The following DSC1 variants were observed in gnomAD, a reference collection of about 807,000 sequenced individuals.
DSC1 encodes desmocollin-1.
Under a neutral mutation model 98.8 loss-of-function variants are expected in DSC1, and 79 were observed. That is an observed-to-expected ratio of 0.80 (90% CI 0.67 to 0.96). The LOEUF (loss-of-function observed/expected upper bound fraction) is 0.96. Among genes scored for constraint, DSC1 ranks in the 50% least tolerant of loss-of-function variants. DSC1 has a pLI of 0.00. For synonymous variants in DSC1, 405 were observed against 372.1 expected (o/e 1.09, Z -1.02); for missense variants, 1,115 against 1,075.9 (o/e 1.04, Z -0.51).
At chr18:31,131,479 A>T (rs1164653721) in intron 15 of DSC1, 115 bp downstream of exon 15, 10 of 1,321,092 alleles carry the variant, frequency 7.6e-6, no homozygotes, top group African/African-American at 1.5e-5. Flanking sequence ...TGATAATCCA[A>T]CAGGTAAAAG....
At chr18:31,144,058 C>T (rs574207004) in intron 7 of DSC1, among the ~76,000 whole-genome samples, 8 of 152,062 alleles carry the variant, frequency 5.3e-5, no homozygotes, top group African/African-American at 1.9e-4. Context: ...TGCAGGCGCC[C>T]ACCACCACAC....
intron 11 of DSC1, among the ~76,000 whole-genome samples, chr18:31,136,196 G>T (rs1988605056): frequency 1.3e-5 from 2 of 151,946 alleles, no homozygotes; most frequent in South Asian, 2.1e-4. Context: ...AGCAAATAAA[G>T]TTGAATATAA....
intron 1 of DSC1, among the ~76,000 whole-genome samples, chr18:31,161,933 T>A (rs1049988825): frequency 2.6e-5 from 4 of 152,118 alleles, no homozygotes; most frequent in Non-Finnish European, 5.9e-5. Flanking sequence ...AACCCCCCTC[T>A]CTTCCCTCAC....
chr18:31,146,575 T>A (rs957005932), intron 6 of DSC1, among the ~76,000 whole-genome samples: 11 of 152,208 alleles, frequency 7.2e-5, no homozygotes, highest in Admixed American at 6.5e-5. Context: ...TTTGGTAGAA[T>A]GATTTGTTTT....
intron 9 of DSC1, among the ~76,000 whole-genome samples, chr18:31,141,471 C>T (rs1409628090): frequency 2.0e-5 from 3 of 152,042 alleles, no homozygotes; most frequent in Non-Finnish European, 4.4e-5. Context: ...TCCTAGAAAC[C>T]AGTAATTGCA....
intron 6 of DSC1, among the ~76,000 whole-genome samples, 194 bp downstream of exon 6, chr18:31,148,304 T>C (rs1297914389): frequency 6.6e-6 from 1 of 152,098 alleles, no homozygotes; most frequent in Non-Finnish European, 1.5e-5. Flanking sequence ...TTTAAGAAAG[T>C]GTGCTCAGAG....
chr18:31,154,537 T>C (rs1200455751), intron 5 of DSC1, among the ~76,000 whole-genome samples: 2 of 152,106 alleles, frequency 1.3e-5, no homozygotes, highest in African/African-American at 4.8e-5. Context: ...CAGACCAAAA[T>C]ATATCCTTTA....
intron 8 of DSC1, among the ~76,000 whole-genome samples, chr18:31,142,786 A>T (rs925568360): frequency 1.3e-5 from 2 of 152,158 alleles, no homozygotes; most frequent in African/African-American, 4.8e-5. Flanking sequence ...TAGAAGGTGA[A>T]TTCATATAGG....
chr18:31,139,424 C>T (rs1010706510), intron 11 of DSC1, among the ~76,000 whole-genome samples: 2 of 152,072 alleles, frequency 1.3e-5, no homozygotes, highest in Non-Finnish European at 2.9e-5. Flanking sequence ...AACGGTGATC[C>T]TTGAGTATGC....
intron 7 of DSC1, among the ~76,000 whole-genome samples, chr18:31,145,032 C>T (rs915398150): frequency 1.3e-5 from 2 of 150,010 alleles, no homozygotes; most frequent in African/African-American, 2.5e-5. Context: ...CTCCGCCTCC[C>T]GGGTTCACGC....
intron 2 of DSC1, 43 bp downstream of exon 2, chr18:31,159,402 T>G: frequency 6.3e-7 from 1 of 1,588,574 alleles, no homozygotes; most frequent in Non-Finnish European, 8.6e-7. Context: ...TGCAGCTAAA[T>G]GTGACAAGTT....
At chr18:31,154,112 T>G (rs753033107) in intron 5 of DSC1, among the ~76,000 whole-genome samples, 2 of 152,170 alleles carry the variant, frequency 1.3e-5, no homozygotes, top group Admixed American at 1.3e-4. Context: ...TTATATAAAA[T>G]TAACAGAAAC....
At chr18:31,139,451 G>A (rs1022407201) in intron 11 of DSC1, among the ~76,000 whole-genome samples, 1 of 152,028 alleles carries the variant, frequency 6.6e-6, no homozygotes, top group Non-Finnish European at 1.5e-5. Context: ...TTCCTCAGCA[G>A]AAATTAATAA....
chr18:31,134,017 C>A lies in DSC1; in HGVS notation c.1990G>T (p.Val664Leu). 8 of 1,613,178 alleles carry A rather than the reference C, an allele frequency of 5.0e-6. No homozygotes were observed. Among genetic ancestry groups the A allele is most frequent in the Non-Finnish European group, 6.8e-6 (8 of 1,179,642 alleles). Reference sequence around the variant, plus strand: ...TCAGATGGAGTTGAACAGTCACATACTCTCACTGTTAACATATGTGTTGCA... The same window carrying A: ...TCAGATGGAGTTGAACAGTCACATAATCTCACTGTTAACATATGTGTTGCA... ...LVATHMLTVR[V>L]CDCSTPSECR... The change falls in exon 13 of 16, where the codon GTA (valine) becomes TTA (leucine). Residue 664 changes from valine (V) to leucine (L), a missense_variant. Coordinates refer to ENST00000257198, the MANE Select transcript of DSC1 (RefSeq NM_024421.2).
rs942370016 is a variant in DSC1 at position 31,147,094 on chromosome 18, T to C, written c.773-1317A>G. Among the ~76,000 whole-genome samples, 5 of 152,270 alleles carry C rather than the reference T, an allele frequency of 3.3e-5. No individual in the cohort carries two copies. The East Asian group carries it at 9.6e-4, about 29-fold the overall frequency. ...TTTAAAACAAAGTAGTCAGTCTTGT[T>C]ATACCCCTTAGTAGTCTTGGGTCAC... On this transcript the variant is annotated intron_variant, in intron 6 of 15. Coordinates refer to ENST00000257198, the MANE Select transcript of DSC1 (RefSeq NM_024421.2).
chr18:31,153,778 C>T (rs1309807436), intron 5 of DSC1, among the ~76,000 whole-genome samples: 1 of 152,086 alleles, frequency 6.6e-6, no homozygotes, highest in African/African-American at 2.4e-5. Flanking sequence ...TTCTTTTTAA[C>T]AAGTAAATAT....
rs1989063955 is a variant in DSC1, at chr18:31,154,827, C to T, written c.574G>A (p.Gly192Arg). ...FNLFYIEKDT[G>R]DIFCTRSIDR... The stretch of plus-strand genomic sequence containing the variant: ...ATGCTCCTTGTACAAAAGATATCCC[C>T]AGTGTCTTTCTCTATGTAAAACAAA... Residue 192 changes from glycine to arginine, a missense_variant, in exon 5 of 16, where the codon GGG (glycine) becomes AGG (arginine). Gly to Arg is a moderately radical substitution (Grantham distance 125). Transcript: ENST00000257198. 6.2e-7 allele frequency: 1 copy of T among 1,613,976 alleles called. No homozygotes were observed. Among genetic ancestry groups the T allele is most frequent in the Non-Finnish European group, 8.5e-7 (1 of 1,179,918 alleles).
In DSC1 at chr18:31,149,767, G is replaced by A. The variant is rs147689224; in HGVS notation, c.628-1125C>T. On this transcript the variant is annotated intron_variant, in intron 5 of 15. Transcript: ENST00000257198. ...AGGCAACATTTCATGTTCACTGTTC[G>A]TGCTAACCTGGAAAGGAAAGAATGT... is the stretch of plus-strand genomic sequence containing the variant. Among the ~76,000 whole-genome samples, 50 of 152,106 alleles carry A rather than the reference G, an allele frequency of 3.3e-4. No homozygotes were observed. The East Asian group carries it at 3.5e-3, about 11-fold the overall frequency.
chr18:31,148,800 AGTCTCT>A (rs1265984377), intron 5 of DSC1, among the ~76,000 whole-genome samples, 158 bp from the exon 6 acceptor site: 1 of 152,086 alleles, frequency 6.6e-6, no homozygotes, highest in Non-Finnish European at 1.5e-5. Context: ...CCACAGATGC[AGTCTCT>A]GCCTGCCATG....
Sources: gnomAD v4.1 joint callset for allele counts (sites outside exome capture counted in the v4.1 genomes callset) on GRCh38, gnomAD v4.1.1 for gene constraint, MANE v1.5 for transcripts, NCBI Gene and HGNC (gene_info 2026-07-23, HGNC 2026-07-21) for gene names.